The following PCDHGB5 variants were observed in gnomAD, a reference collection of about 807,000 sequenced individuals.
PCDHGB5 encodes protocadherin gamma subfamily B, 5.
Under a neutral mutation model 62.9 loss-of-function variants are expected in PCDHGB5, and 48 were observed. The ratio of observed to expected loss-of-function variants is 0.76; its 90% confidence interval spans 0.61 to 0.97. The LOEUF (loss-of-function observed/expected upper bound fraction) is 0.97. Among genes scored for constraint, PCDHGB5 ranks in the 50% least tolerant of loss-of-function variants. The pLI is 0.00. For missense variants in PCDHGB5, 1,118 were observed against 1,198.6 expected, an observed-to-expected ratio of 0.93 and a Z score of 0.99; for synonymous variants, 474 against 511.2, an observed-to-expected ratio of 0.93 and a Z score of 0.98.
intron 2 of PCDHGB5, among the ~76,000 whole-genome samples, chr5:141,500,138 ACTTTT>A: frequency 6.6e-6 from 1 of 150,560 alleles, no homozygotes; most frequent in Middle Eastern, 3.2e-3. Flanking sequence ...ATCTTTCTAA[ACTTTT>A]CTTTGTGTAA....
At chr5:141,438,949 A>G (rs538626951) in intron 1 of PCDHGB5, among the ~76,000 whole-genome samples, 1 of 152,170 alleles carries the variant, frequency 6.6e-6, no homozygotes, top group East Asian at 1.9e-4. Flanking sequence ...TATAGGCATG[A>G]GCCACCGCAC....
chr5:141,422,485 A>G, intron 1 of PCDHGB5: 2 of 1,613,980 alleles, frequency 1.2e-6, no homozygotes, highest in Non-Finnish European at 1.7e-6. Context: ...CCAGAGCTAC[A>G]ATATAACGTT....
intron 1 of PCDHGB5, chr5:141,413,581 A>T: frequency 1.9e-6 from 3 of 1,613,920 alleles, no homozygotes; most frequent in Non-Finnish European, 2.5e-6. Context: ...CAATGCTCCA[A>T]AATTCCAAGC....
chr5:141,403,766 G>A (rs1371539458), intron 1 of PCDHGB5: 2 of 1,613,864 alleles, frequency 1.2e-6, no homozygotes, highest in East Asian at 2.2e-5. Context: ...CCTGGATGAG[G>A]GAATCAACGG....
In PCDHGB5 at chr5:141,399,063, A is replaced by C; in HGVS notation, c.936A>C (p.Ser312=). ...ATTTTGAAGAGACCAAGGAATATTC[A>C]ATGGTTGTAGAAGGGAGGGATGGTG... The part of the protein sequence containing the change: ...KLDFEETKEY[S]MVVEGRDGGG... The change falls in exon 1 of 4, where the codon TCA becomes TCC. Residue 312 remains serine, a synonymous_variant. Coordinates refer to ENST00000617380, the MANE Select transcript of PCDHGB5 (RefSeq NM_018925.3). 6.2e-7 allele frequency: 1 copy of C among 1,613,714 alleles called. No individual in the cohort carries two copies.
At chr5:141,455,537 A>G (rs1158681837) in intron 1 of PCDHGB5, among the ~76,000 whole-genome samples, 2 of 152,162 alleles carry the variant, frequency 1.3e-5, no homozygotes, top group Non-Finnish European at 2.9e-5. Flanking sequence ...CAGGCATATC[A>G]TTCACGTAGC....
rs1364068033 is a variant in PCDHGB5 at position 141,490,353 on chromosome 5, G to A, written c.2398-4454G>A. 3.1e-6 allele frequency: 5 copies of A among 1,614,090 alleles called. No individual in the cohort carries two copies. The highest frequency in any genetic ancestry group is 4.2e-6 in the Non-Finnish European group (5 of 1,180,046). On this transcript the variant is annotated intron_variant, in intron 1 of 3. Transcript: ENST00000617380. This position sits in a 1 kb window ranked among gnomAD's most constrained non-coding sequence, Gnocchi z 5.4. ...CACCAGTGGGCACAGTAGTGGGGTT[G>A]TTTAATGTGCGAGACCGGGACTCAG...
rs777535962 is a variant in PCDHGB5, at chr5:141,431,195, G to T, written c.2397+30671G>T. The T allele has an allele frequency of 1.2e-6, 2 of 1,614,166 alleles. No homozygotes were observed. Among genetic ancestry groups the T allele is most frequent in the East Asian group, 2.2e-5 (1 of 44,890 alleles). On this transcript the variant is annotated intron_variant, in intron 1 of 3. Transcript: ENST00000617380. The surrounding 1 kb of genome is among the most constrained non-coding windows in gnomAD (Gnocchi z 4.8). ...ATTAGAAATAAAAATTAGTGAAAAT[G>T]CAGCCACTGAGATGCGGTTCCCTCT... is the stretch of plus-strand genomic sequence containing the variant.
At chr5:141,420,289 AT>A in intron 1 of PCDHGB5, 1 of 1,497,936 alleles carries the variant, frequency 6.7e-7, no homozygotes, top group Non-Finnish European at 9.0e-7. Flanking sequence ...GTATTTAAAA[AT>A]GTATTTAATC....
intron 2 of PCDHGB5, among the ~76,000 whole-genome samples, chr5:141,505,069 G>A (rs2099843308): frequency 2.0e-5 from 3 of 152,340 alleles, no homozygotes; most frequent in East Asian, 1.9e-4. Flanking sequence ...GACTGAGGCA[G>A]GAGAATCGCT....
chr5:141,490,488 C>A lies in PCDHGB5; in HGVS notation c.2398-4319C>A, dbSNP rs142637733. 6.2e-7 allele frequency: 1 copy of A among 1,614,018 alleles called. No homozygotes were observed. Among genetic ancestry groups the A allele is most frequent in the African/African-American group, 1.3e-5 (1 of 74,904 alleles). ...CCAGCCAGCCTTTGGACCGGGAGGC[C>A]ACATCCCACTATATCATCGAGCTGC... On this transcript the variant is annotated intron_variant, in intron 1 of 3. Coordinates refer to ENST00000617380, the MANE Select transcript of PCDHGB5 (RefSeq NM_018925.3). The surrounding 1 kb of genome is among the most constrained non-coding windows in gnomAD (Gnocchi z 5.4).
intron 1 of PCDHGB5, among the ~76,000 whole-genome samples, chr5:141,488,870 G>T (rs2099680071): frequency 6.6e-6 from 1 of 152,224 alleles, no homozygotes; most frequent in African/African-American, 2.4e-5. Context: ...TGAGTGGGGA[G>T]GTAGGAAGCT....
intron 1 of PCDHGB5, among the ~76,000 whole-genome samples, chr5:141,447,744 T>G (rs1020767891): frequency 3.4e-4 from 51 of 152,206 alleles, no homozygotes; most frequent in African/African-American, 1.2e-3. Context: ...CTTAAGAGTC[T>G]TGCATGTGAC....
At chr5:141,461,507 T>C (rs1271911872) in intron 1 of PCDHGB5, among the ~76,000 whole-genome samples, 1 of 152,316 alleles carries the variant, frequency 6.6e-6, no homozygotes, top group East Asian at 1.9e-4. Context: ...TTCTTGGTGA[T>C]TTGTTAGTTC....
At position 141,510,947 on chromosome 5, in the gene PCDHGB5, A is replaced by C; in HGVS notation, c.2546A>C (p.Glu849Ala). Residue 849 changes from glutamate to alanine, a missense_variant and splice_region_variant, in exon 4 of 4, where the codon GAA (glutamate) becomes GCA (alanine). By Grantham distance (107) the Glu-to-Ala change is moderately radical. This residue lies in a region of PCDHGB5 where 1,034 missense variants were observed against 1,029.1 expected (regional missense o/e 1.00). Transcript: ENST00000617380. ...ACCTGATCTTCCTCTGTCTCTGCAG[A>C]AGCTGCTGATGGGAGCTCCACCCTG... ...LQAMILASAS[E>A]AADGSSTLGG... The C allele has an allele frequency of 6.2e-7, 1 of 1,614,084 alleles. No individual in the cohort carries two copies. Among genetic ancestry groups the C allele is most frequent in the Non-Finnish European group, 8.5e-7 (1 of 1,180,000 alleles).
At position 141,476,873 on chromosome 5, in the gene PCDHGB5, G is replaced by C; in HGVS notation, c.2398-17934G>C. On this transcript the variant is annotated intron_variant, in intron 1 of 3. Coordinates refer to ENST00000617380, the MANE Select transcript of PCDHGB5 (RefSeq NM_018925.3). This position sits in a 1 kb window ranked among gnomAD's most constrained non-coding sequence, Gnocchi z 7.6. ...CAACCAGTCCTTGTACCGGGCGCGC[G>C]TCCTGGAGGATGCACCCTCCGGCAC... 1 of 1,613,936 alleles carries C rather than the reference G, an allele frequency of 6.2e-7. No homozygotes were observed. Among genetic ancestry groups the C allele is most frequent in the South Asian group, 1.1e-5 (1 of 91,088 alleles).
At chr5:141,482,602 C>T (rs2099569087) in intron 1 of PCDHGB5, among the ~76,000 whole-genome samples, 1 of 142,506 alleles carries the variant, frequency 7.0e-6, no homozygotes, top group Non-Finnish European at 1.5e-5. Flanking sequence ...CGGGAAAAAA[C>T]ACCTAAATGA....
intron 1 of PCDHGB5, chr5:141,420,995 C>T (rs1448491394): frequency 2.0e-6 from 1 of 503,150 alleles, no homozygotes; most frequent in East Asian, 3.3e-5. Flanking sequence ...CGCCGCTGCT[C>T]ACCAATCAGG....
At position 141,433,052 on chromosome 5, in the gene PCDHGB5, A is replaced by G. The variant is rs757503771; in HGVS notation, c.2397+32528A>G. The G allele has an allele frequency of 3.1e-6, 5 of 1,614,178 alleles. No individual in the cohort carries two copies. In the Admixed American group the frequency reaches 8.3e-5, roughly 27 times the overall value. ...GGTTTCCCTCACCACGGACTCGCGG[A>G]AGAGTCACCTGATCTTCCCCCAGCC... On this transcript the variant is annotated intron_variant, in intron 1 of 3. Transcript: ENST00000617380.
Sources: allele counts gnomAD v4.1 joint callset (sites outside exome capture counted in the v4.1 genomes callset), GRCh38; gene constraint gnomAD v4.1.1; regional missense constraint gnomAD v4.1.1; non-coding constraint Gnocchi (gnomAD v3.1); transcripts MANE v1.5; gene names NCBI Gene and HGNC (gene_info 2026-07-23, HGNC 2026-07-21).